Variants in WBP11 observed in about 807,000 individuals in gnomAD.
WBP11 encodes WW domain-binding protein 11.
A neutral mutation model predicts 66.7 loss-of-function variants in WBP11; 12 were observed. That is an observed-to-expected ratio of 0.18 (90% CI 0.12 to 0.29). The LOEUF is 0.29. Among genes scored for constraint, WBP11 ranks in the 10% least tolerant of loss-of-function variants. The pLI is 1.00. For synonymous variants in WBP11, 255 were observed against 273.8 expected, an observed-to-expected ratio of 0.93 and a Z score of 0.68; for missense variants, 555 against 818.3, an observed-to-expected ratio of 0.68 and a Z score of 3.93.
chr12:14,789,447 T>C (rs1033801961), intron 10 of WBP11, among the ~76,000 whole-genome samples: 3 of 152,042 alleles, frequency 2.0e-5, no homozygotes, highest in African/African-American at 4.8e-5. Flanking sequence ...TAGCCGGGCA[T>C]GGTGGCAGAC....
chr12:14,793,673 A>G, intron 8 of WBP11, 58 bp downstream of exon 8: 1 of 1,546,564 alleles, frequency 6.5e-7, no homozygotes, highest in Non-Finnish European at 8.8e-7. Context: ...ATAAATTAGG[A>G]CCTTCAGCTT....
At chr12:14,788,200 T>C (rs1419724539) in intron 11 of WBP11, among the ~76,000 whole-genome samples, 1 of 151,978 alleles carries the variant, frequency 6.6e-6, no homozygotes, top group Admixed American at 6.6e-5. Context: ...GATCGCGCCA[T>C]TGCACTCCAG....
intron 1 of WBP11, among the ~76,000 whole-genome samples, chr12:14,802,702 TA>T (rs765775668): frequency 7.5e-5 from 8 of 105,996 alleles, no homozygotes; most frequent in Non-Finnish European, 1.3e-4. Context: ...ATGGGGGGGT[TA>T]GGGGGGTGGG....
Position 14,794,544 on chromosome 12 carries a change from A to T in WBP11, c.714T>A (p.Pro238=). ...RRRDEDMLYS[P]ELAQRGHDDD... Reference sequence around the variant, plus strand: ...AGAACAGTCACTTCTCACCAAGTTCAGGACTATATAACATGTCTTCATCTC... The same window carrying T: ...AGAACAGTCACTTCTCACCAAGTTCTGGACTATATAACATGTCTTCATCTC... Residue 238 remains proline, a synonymous_variant, in exon 7 of 12, where the codon CCT becomes CCA. Transcript: ENST00000261167. 6.2e-7 allele frequency: 1 copy of T among 1,613,732 alleles called. No homozygotes were observed. The highest frequency in any genetic ancestry group is 2.2e-5 in the East Asian group (1 of 44,878).
intron 1 of WBP11, among the ~76,000 whole-genome samples, chr12:14,802,264 A>G (rs1949974130): frequency 6.6e-6 from 1 of 152,184 alleles, no homozygotes; most frequent in African/African-American, 2.4e-5. Context: ...ATGGGGCTTA[A>G]TTTTTTGAAG....
At chr12:14,795,480 C>T (rs887092791) in intron 5 of WBP11, among the ~76,000 whole-genome samples, 6 of 152,102 alleles carry the variant, frequency 3.9e-5, no homozygotes, top group African/African-American at 9.7e-5. Context: ...ACCTGTAATC[C>T]GAGCATTTTG....
intron 1 of WBP11, among the ~76,000 whole-genome samples, chr12:14,802,281 C>T (rs1335214652): frequency 6.6e-6 from 1 of 152,196 alleles, no homozygotes; most frequent in Admixed American, 6.5e-5. Context: ...GAAGCGCAGT[C>T]TTTCCAGTAA....
chr12:14,799,475 C>T, intron 4 of WBP11, 160 bp downstream of exon 4: 3 of 610,246 alleles, frequency 4.9e-6, no homozygotes, highest in South Asian at 5.2e-5. Context: ...TTGCAACAGC[C>T]CTCTAGCACT....
At position 14,795,027 on chromosome 12, in the gene WBP11, G is replaced by A. The variant is rs143743030; in HGVS notation, c.465C>T (p.Asp155=). 71 of 1,612,778 alleles carry A rather than the reference G, an allele frequency of 4.4e-5. No homozygotes were observed. In the African/African-American group the frequency reaches 8.8e-4, roughly 20 times the overall value. The change falls in exon 6 of 12, where the codon GAC becomes GAT. Residue 155 remains aspartate (D), a synonymous_variant. Coordinates refer to ENST00000261167, the MANE Select transcript of WBP11 (RefSeq NM_016312.3). The stretch of plus-strand genomic sequence containing the variant: ...GTGGCTGGGCACCAGGAAGTGGAAT[G>A]TCCTGGATCAAAATGTTGGAAGGAG... ...PHAPSNILIQ[D]IPLPGAQPPS... is the part of the protein sequence containing the mutation.
rs960481609 is a variant in WBP11 at position 14,785,355 on chromosome 12, G to A, written c.*1710C>T. 1 of 152,142 alleles carries A rather than the reference G, an allele frequency of 6.6e-6. No homozygotes were observed. The highest frequency in any genetic ancestry group is 2.4e-5 in the African/African-American group (1 of 41,424). 9.4% of individuals were successfully genotyped at this position (152,142 alleles called of 1,614,324 possible). A position where few individuals can be genotyped will look rare whatever the true frequency, so the allele number is the denominator to read the frequency against. On this transcript the variant is annotated 3_prime_UTR_variant, in exon 12 of 12. Coordinates refer to ENST00000261167, the MANE Select transcript of WBP11 (RefSeq NM_016312.3). ...AAAAATATTTCAGATCAAGTATTGGGAAATAATTCTGTTTATGCTGAATAA... is the reference window on the plus strand; with the variant it reads ...AAAAATATTTCAGATCAAGTATTGGAAAATAATTCTGTTTATGCTGAATAA...
In WBP11 at chr12:14,787,001, A is replaced by G. The variant is rs1949760930; in HGVS notation, c.*64T>C. 2.8e-6 allele frequency: 4 copies of G among 1,448,340 alleles called. No homozygotes were observed. Among genetic ancestry groups the G allele is most frequent in the South Asian group, 1.4e-5 (1 of 72,206 alleles). 89.7% of individuals were successfully genotyped at this position (1,448,340 alleles called of 1,614,324 possible). A position where few individuals can be genotyped will look rare whatever the true frequency, so the allele number is the denominator to read the frequency against. On this transcript the variant is annotated 3_prime_UTR_variant, in exon 12 of 12. Transcript: ENST00000261167. ...GAAGCAGCTCTTTCATCTAAGTTTA[A>G]TAAGAGCCTCTTTCTCCATGGGCCA...
rs1949758129 is a variant in WBP11 at position 14,786,729 on chromosome 12, GC to G, written c.*335del. 5.2e-6 allele frequency: 1 copy of G among 192,472 alleles called. No homozygotes were observed. Among genetic ancestry groups the G allele is most frequent in the South Asian group, 1.7e-4 (1 of 5,852 alleles). 11.9% of individuals were successfully genotyped at this position (192,472 alleles called of 1,614,324 possible). ...TTTCTCCAGAAATCTCTACTCCAGT[GC>G]CCACAGCACACAAGAGTCAAAACAA... On this transcript the variant is annotated 3_prime_UTR_variant, in exon 12 of 12. Transcript: ENST00000261167.
At position 14,787,477 on chromosome 12, in the gene WBP11, C is replaced by G. The variant is rs1949766118; in HGVS notation, c.1514G>C (p.Gly505Ala). Residue 505 changes from glycine to alanine, a missense_variant, in exon 12 of 12, where the codon GGC (glycine) becomes GCC (alanine). This residue lies in a region of WBP11 where 230 missense variants were observed against 286.3 expected (regional missense o/e 0.80). Transcript: ENST00000261167. ...AGGCACCAAAGGTGGGCGCATCATGCCAGGACGAGGTGGAGGAATACCTAA... is the reference window on the plus strand; with the variant it reads ...AGGCACCAAAGGTGGGCGCATCATGGCAGGACGAGGTGGAGGAATACCTAA... ...APPGIPPPRP[G>A]MMRPPLVPPL... 1 of 1,511,936 alleles carries G rather than the reference C, an allele frequency of 6.6e-7. No individual in the cohort carries two copies. Among genetic ancestry groups the G allele is most frequent in the Admixed American group, 2.2e-5 (1 of 44,602 alleles). The allele number at this position is 1,511,936 out of a possible 1,614,324, so 93.7% of individuals were successfully genotyped here. A position where few individuals can be genotyped will look rare whatever the true frequency, so the allele number is the denominator to read the frequency against.
At chr12:14,799,283 T>C (rs1949931539) in intron 4 of WBP11, among the ~76,000 whole-genome samples, 1 of 152,200 alleles carries the variant, frequency 6.6e-6, no homozygotes, top group African/African-American at 2.4e-5. Flanking sequence ...TAGATTTACA[T>C]GGTAGTTGCC....
rs142584096 is a variant in WBP11 at position 14,795,652 on chromosome 12, C to G, written c.388-548G>C. On this transcript the variant is annotated intron_variant, in intron 5 of 11. Transcript: ENST00000261167. ...GGCTGAGGGAGGAGAATTGCTTGAA[C>G]CTGGGAGGCAGAGGTTGCAGTGAGC... Among the ~76,000 whole-genome samples, 315 of 152,214 alleles carry G rather than the reference C, an allele frequency of 2.1e-3. 1 individual carries two copies. The highest frequency in any genetic ancestry group is 5.4e-3 in the African/African-American group (224 of 41,524).
chr12:14,793,877 T>C lies in WBP11; in HGVS notation c.767A>G (p.Asp256Gly). The C allele has an allele frequency of 6.2e-7, 1 of 1,613,660 alleles. No individual in the cohort carries two copies. Among genetic ancestry groups the C allele is most frequent in the Non-Finnish European group, 8.5e-7 (1 of 1,179,746 alleles). ...DDDVSSTSED[D>G]GYPEDMDQDK... ...TTGATCCATGTCCTCAGGATAGCCA[T>C]CATCTTCACTGGTGCTAGAAACATC... Residue 256 changes from aspartate (D) to glycine (G), a missense_variant, in exon 8 of 12, where the codon GAT (aspartate) becomes GGT (glycine). Physicochemically the swap from Asp to Gly is moderately conservative, Grantham distance 94. Around this residue, in one of 6 missense-constraint regions of WBP11, gnomAD observed 220 missense variants for 268.2 expected, o/e 0.82. Coordinates refer to ENST00000261167, the MANE Select transcript of WBP11 (RefSeq NM_016312.3).
At chr12:14,802,696 G>A (rs182665706) in intron 1 of WBP11, among the ~76,000 whole-genome samples, 2 of 151,942 alleles carry the variant, frequency 1.3e-5, no homozygotes, top group African/African-American at 4.8e-5. Context: ...CTGGGGATGG[G>A]GGGGTTAGGG....
In WBP11 at chr12:14,796,748, A is replaced by C. The variant is rs748170601; in HGVS notation, c.387+59T>G. 1.0e-4 allele frequency: 149 copies of C among 1,485,174 alleles called. No homozygotes were observed. Among genetic ancestry groups the C allele is most frequent in the Non-Finnish European group, 1.2e-4 (137 of 1,107,662 alleles). 92.0% of individuals were successfully genotyped at this position (1,485,174 alleles called of 1,614,324 possible). A position where few individuals can be genotyped will look rare whatever the true frequency, so the allele number is the denominator to read the frequency against. ...CTTCTGGTCCCAAGCACTTTGCATAAGGGATACTCAATCTGTATAATATTT... is the reference window on the plus strand; with the variant it reads ...CTTCTGGTCCCAAGCACTTTGCATACGGGATACTCAATCTGTATAATATTT... On this transcript the variant is annotated intron_variant, in intron 5 of 11. Transcript: ENST00000261167. The surrounding 1 kb of genome is among the most constrained non-coding windows in gnomAD (Gnocchi z 4.5).
rs1949733392 is a variant in WBP11 at position 14,784,820 on chromosome 12, A to T, written c.*2245T>A. The T allele has an allele frequency of 6.6e-6, 1 of 152,238 alleles. No homozygotes were observed. Among genetic ancestry groups the T allele is most frequent in the African/African-American group, 2.4e-5 (1 of 41,476 alleles). 9.4% of individuals were successfully genotyped at this position (152,238 alleles called of 1,614,324 possible). On this transcript the variant is annotated 3_prime_UTR_variant, in exon 12 of 12. Transcript: ENST00000261167. ...AAGATTTCTATCATTTACATTTCAT[A>T]GCTGTGAGCTGACCATTTTCATGAA...
Sources: gnomAD v4.1 joint callset for allele counts (sites outside exome capture counted in the v4.1 genomes callset) on GRCh38, gnomAD v4.1.1 for gene constraint, gnomAD v4.1.1 regional missense constraint, Gnocchi (gnomAD v3.1) non-coding constraint, MANE v1.5 for transcripts, NCBI Gene and HGNC (gene_info 2026-07-23, HGNC 2026-07-21) for gene names.